DTD1: variants seen among roughly 807,000 people sequenced by gnomAD.
DTD1 encodes D-aminoacyl-tRNA deacylase 1.
In DTD1, 13 loss-of-function variants were observed where a neutral mutation model predicts 25.6. That is an observed-to-expected ratio of 0.51 (90% confidence interval 0.33 to 0.81). The LOEUF (loss-of-function observed/expected upper bound fraction) is 0.81. Ranked by LOEUF, DTD1 falls within the 30% of genes least tolerant of loss-of-function variation. The pLI, the probability that DTD1 is intolerant of heterozygous loss-of-function variation, is 0.02. For synonymous variants in DTD1, 110 were observed against 103.6 expected (o/e 1.06, Z -0.37); for missense variants, 193 against 266.4 (o/e 0.72, Z 1.92).
At chr20:18,625,811 G>A (rs1275361206) in intron 3 of DTD1, among the ~76,000 whole-genome samples, 2 of 152,226 alleles carry the variant, frequency 1.3e-5, no homozygotes, top group East Asian at 3.9e-4. Context: ...GGGTGAGAAT[G>A]CCTCCTTGGT....
At chr20:18,643,235 C>A in intron 4 of DTD1, 1 of 308,860 alleles carries the variant, frequency 3.2e-6, no homozygotes. Context: ...ATTTATTTAG[C>A]AATTTGTTCT....
intron 4 of DTD1, among the ~76,000 whole-genome samples, chr20:18,672,947 G>A (rs771164699): frequency 5.9e-5 from 9 of 152,192 alleles, no homozygotes; most frequent in Non-Finnish European, 7.3e-5. Context: ...GCCAAAAAGC[G>A]AGCGGGCCCT....
At chr20:18,681,028 G>A (rs184718749) in intron 4 of DTD1, among the ~76,000 whole-genome samples, 159 of 152,312 alleles carry the variant, frequency 1.0e-3, no homozygotes, top group African/African-American at 3.6e-3. Flanking sequence ...TTTTCTATAA[G>A]TCAACAAATA....
intron 4 of DTD1, among the ~76,000 whole-genome samples, chr20:18,712,561 G>A (rs969575150): frequency 2.6e-5 from 4 of 152,034 alleles, no homozygotes; most frequent in Non-Finnish European, 5.9e-5. Context: ...ACCTCGACCC[G>A]AGATCCCATA....
chr20:18,622,276 C>T (rs1307388047), intron 3 of DTD1, among the ~76,000 whole-genome samples: 1 of 152,022 alleles, frequency 6.6e-6, no homozygotes, highest in Non-Finnish European at 1.5e-5. Flanking sequence ...ATGTTCCCCT[C>T]CCTGTGTCCA....
At chr20:18,607,626 C>T (rs781060763) in intron 3 of DTD1, among the ~76,000 whole-genome samples, 4 of 152,080 alleles carry the variant, frequency 2.6e-5, no homozygotes, top group Admixed American at 6.5e-5. Flanking sequence ...CCCATCTAGG[C>T]CTGGTGTTTC....
At chr20:18,725,663 G>T (rs576824218) in intron 4 of DTD1, among the ~76,000 whole-genome samples, 3 of 152,146 alleles carry the variant, frequency 2.0e-5, no homozygotes, top group African/African-American at 7.2e-5. Flanking sequence ...TCTCCGAGGT[G>T]TTCCTGGGCT....
At chr20:18,618,672 T>TACACAC (rs751474809) in intron 3 of DTD1, among the ~76,000 whole-genome samples, 10,625 of 130,324 alleles carry the variant, frequency 0.082, 485 homozygotes, top group East Asian at 0.19. Context: ...CATAATTTTA[T>TACACAC]ACACACACAC....
intron 4 of DTD1, among the ~76,000 whole-genome samples, chr20:18,692,325 A>T (rs913167493): frequency 6.6e-6 from 1 of 152,200 alleles, no homozygotes; most frequent in Non-Finnish European, 1.5e-5. Context: ...CTAACTTCTT[A>T]GAGAAAAGTC....
At chr20:18,746,349 C>T (rs915243118) in intron 5 of DTD1, among the ~76,000 whole-genome samples, 1 of 152,076 alleles carries the variant, frequency 6.6e-6, no homozygotes, top group African/African-American at 2.4e-5. Context: ...TGAAAGAGAG[C>T]AAGGGTCAGA....
rs180973921 is a variant in DTD1, at chr20:18,761,657, G to A, written c.*20-1703G>A. 5.7e-3 allele frequency among the ~76,000 whole-genome samples: 869 copies of A among 152,208 alleles called. 6 individuals carry two copies. Among genetic ancestry groups the A allele is most frequent in the Non-Finnish European group, 8.7e-3 (592 of 68,002 alleles). ...TGAAGTAAATGTAAAAGAAAAATAC[G>A]TTCAACCAGGATTCCAAAGCTCATC... On this transcript the variant is annotated intron_variant, in intron 5 of 5. Coordinates refer to ENST00000377452, the MANE Select transcript of DTD1 (RefSeq NM_080820.6).
At chr20:18,640,811 A>C (rs2060825301) in intron 4 of DTD1, among the ~76,000 whole-genome samples, 1 of 151,900 alleles carries the variant, frequency 6.6e-6, no homozygotes, top group African/African-American at 2.4e-5. Flanking sequence ...TTGTATTTTT[A>C]GTAGAGATGA....
intron 4 of DTD1, among the ~76,000 whole-genome samples, chr20:18,683,777 G>C (rs527920994): frequency 6.6e-6 from 1 of 152,172 alleles, no homozygotes; most frequent in East Asian, 1.9e-4. Flanking sequence ...GGTGGGATAC[G>C]CATGCTCCAG....
chr20:18,661,278 C>CA (rs1216532573), intron 4 of DTD1, among the ~76,000 whole-genome samples: 3 of 150,838 alleles, frequency 2.0e-5, no homozygotes, highest in Non-Finnish European at 4.4e-5. Context: ...TCTGTGACTA[C>CA]AAAAAATGAT....
intron 4 of DTD1, among the ~76,000 whole-genome samples, chr20:18,737,039 T>G (rs2061258298): frequency 6.6e-6 from 1 of 152,150 alleles, no homozygotes; most frequent in Non-Finnish European, 1.5e-5. Flanking sequence ...CTGATGATGA[T>G]TTTCACTGGT....
chr20:18,638,165 A>C (rs1014803541), intron 4 of DTD1, among the ~76,000 whole-genome samples: 1 of 147,184 alleles, frequency 6.8e-6, no homozygotes, highest in Non-Finnish European at 1.5e-5. Flanking sequence ...ATGTCCCTCC[A>C]TCTGCCCATC....
chr20:18,717,544 T>G (rs2061186030), intron 4 of DTD1, among the ~76,000 whole-genome samples: 1 of 152,226 alleles, frequency 6.6e-6, no homozygotes, highest in African/African-American at 2.4e-5. Context: ...TCTCAATTTT[T>G]CCATGTTTTT....
At chr20:18,674,109 A>G (rs1342868038) in intron 4 of DTD1, among the ~76,000 whole-genome samples, 1 of 151,864 alleles carries the variant, frequency 6.6e-6, no homozygotes, top group Non-Finnish European at 1.5e-5. Context: ...TTTCCAATTT[A>G]CTAACTTGAT....
chr20:18,748,746 A>G (rs183383434), intron 5 of DTD1, among the ~76,000 whole-genome samples: 3 of 152,266 alleles, frequency 2.0e-5, no homozygotes, highest in East Asian at 3.9e-4. Flanking sequence ...GTAGGTATCT[A>G]CTTCTTGCTT....
Sources: gnomAD v4.1 joint callset for allele counts (sites outside exome capture counted in the v4.1 genomes callset) on GRCh38, gnomAD v4.1.1 for gene constraint, MANE v1.5 for transcripts, NCBI Gene and HGNC (gene_info 2026-07-23, HGNC 2026-07-21) for gene names.